AGL: variants seen among roughly 807,000 people sequenced by gnomAD.
AGL encodes glycogen debranching enzyme.
Under a neutral mutation model 199.3 loss-of-function variants are expected in AGL, and 128 were observed. The observed-to-expected ratio is 0.64, with a 90% CI of 0.56 to 0.74. The LOEUF is 0.74. Ranked by LOEUF, AGL falls within the 30% of genes least tolerant of loss-of-function variation. The pLI is 0.00. For missense variants in AGL, 1,809 were observed against 1,820.8 expected, an observed-to-expected ratio of 0.99 and a Z score of 0.12; for synonymous variants, 584 against 594.7, an observed-to-expected ratio of 0.98 and a Z score of 0.26.
At chr1:99,899,666 G>A (rs1372431632) in intron 25 of AGL, among the ~76,000 whole-genome samples, 2 of 150,080 alleles carry the variant, frequency 1.3e-5, no homozygotes, top group East Asian at 4.0e-4. Context: ...TGCCATCCAG[G>A]CTGGAGTGCC....
intron 30 of AGL, among the ~76,000 whole-genome samples, chr1:99,914,114 C>T (rs1359395893): frequency 6.6e-6 from 1 of 152,042 alleles, no homozygotes; most frequent in Non-Finnish European, 1.5e-5. Flanking sequence ...TGAAGCCCCA[C>T]CACCATATTT....
At chr1:99,875,577 A>C (rs2101129246) in intron 10 of AGL, 122 bp downstream of exon 10, 2 of 896,774 alleles carry the variant, frequency 2.2e-6, no homozygotes, top group East Asian at 5.3e-5. Context: ...AAATTGAAAT[A>C]GAAGTTTTGA....
intron 5 of AGL, among the ~76,000 whole-genome samples, chr1:99,864,910 T>G (rs939137007): frequency 6.6e-6 from 1 of 152,204 alleles, no homozygotes; most frequent in Non-Finnish European, 1.5e-5. Context: ...TTATTCGCAG[T>G]TTTGCTTTCT....
At chr1:99,920,367 A>G (rs941604631) in intron 33 of AGL, among the ~76,000 whole-genome samples, 30 of 152,240 alleles carry the variant, frequency 2.0e-4, no homozygotes, top group Admixed American at 3.3e-4. Context: ...CAAAACTCCA[A>G]TCTTCATGTG....
intron 5 of AGL, among the ~76,000 whole-genome samples, chr1:99,869,051 C>T (rs1443450176): frequency 6.6e-6 from 1 of 152,082 alleles, no homozygotes; most frequent in African/African-American, 2.4e-5. Context: ...TCTCCAGCTC[C>T]TGGACTCAGG....
At chr1:99,857,847 A>AGGGGGAGCCCGTGGGGAGGGGGCGGGGGG (rs1649686521) in intron 2 of AGL, among the ~76,000 whole-genome samples, 1 of 8,226 alleles carries the variant, frequency 1.2e-4, no homozygotes, top group Admixed American at 1.1e-3. Context: ...GGGGAGGGGG[A>AGGGGGAGCCCGTGGGGAGGGGGCGGGGGG]GGGGGGAAGA....
At chr1:99,897,848 A>AGAGTAATATCTGCCACATGCCTG (rs1653455826) in intron 25 of AGL, among the ~76,000 whole-genome samples, 1 of 152,194 alleles carries the variant, frequency 6.6e-6, no homozygotes, top group South Asian at 2.1e-4. Flanking sequence ...CCACATGCCT[A>AGAGTAATATCTGCCACATGCCTG]GAGTAATATC....
chr1:99,849,921 G>C (rs1463119980), upstream of AGL, among the ~76,000 whole-genome samples: 2 of 152,202 alleles, frequency 1.3e-5, no homozygotes, highest in Non-Finnish European at 2.9e-5. Context: ...GCTGTTAAAG[G>C]AAGGCCGCGC....
At chr1:99,853,077 C>G (rs1169071634) in intron 2 of AGL, among the ~76,000 whole-genome samples, 4 of 152,126 alleles carry the variant, frequency 2.6e-5, no homozygotes, top group African/African-American at 9.7e-5. Flanking sequence ...CTTGCAGTTT[C>G]TTTCCAAATA....
intron 5 of AGL, among the ~76,000 whole-genome samples, chr1:99,869,329 T>A (rs933902889): frequency 6.6e-6 from 1 of 152,114 alleles, no homozygotes. Flanking sequence ...TGAGTGCTTA[T>A]TATGGGTATG....
chr1:99,887,254 TAC>T (rs1448059443), intron 20 of AGL, among the ~76,000 whole-genome samples: 1 of 152,106 alleles, frequency 6.6e-6, no homozygotes, highest in Non-Finnish European at 1.5e-5. Context: ...CACAAGAAAA[TAC>T]AGTTTCAGCT....
intron 20 of AGL, among the ~76,000 whole-genome samples, chr1:99,887,224 C>G (rs563865357): frequency 6.6e-6 from 1 of 152,282 alleles, no homozygotes; most frequent in East Asian, 1.9e-4. Context: ...ATGAAATTAC[C>G]TGAGCATCTA....
chr1:99,895,457 C>T (rs952983389), intron 24 of AGL, among the ~76,000 whole-genome samples: 1 of 152,016 alleles, frequency 6.6e-6, no homozygotes, highest in Non-Finnish European at 1.5e-5. Flanking sequence ...GAATATAACA[C>T]TTTTAAGTTG....
intron 2 of AGL, among the ~76,000 whole-genome samples, chr1:99,857,096 G>A (rs1649556013): frequency 6.6e-6 from 1 of 151,944 alleles, no homozygotes; most frequent in South Asian, 2.1e-4. Context: ...CTCCCGGACG[G>A]GGCGGCTGGC....
At chr1:99,894,897 A>G (rs1015013217) in intron 24 of AGL, among the ~76,000 whole-genome samples, 1 of 152,166 alleles carries the variant, frequency 6.6e-6, no homozygotes, top group African/African-American at 2.4e-5. Context: ...CTTATTTCCT[A>G]CTGGGAAGAT....
rs753914653 is a variant in AGL, at chr1:99,870,416, G to C, written c.681G>C (p.Trp227Cys). ...TTCCTTCAGCTGCTAATAGTAAATG[G>C]ATCCAGGAACATCCAGAATGTGCCT... Reference protein sequence around the residue: ...VYNHTAANSKWIQEHPECAYN... With the variant: ...VYNHTAANSKCIQEHPECAYN... Residue 227 changes from tryptophan (W) to cysteine (C), a missense_variant, in exon 6 of 34, where the codon TGG (tryptophan) becomes TGC (cysteine). Coordinates refer to ENST00000361915, the MANE Select transcript of AGL (RefSeq NM_000642.3). 1.2e-6 allele frequency: 2 copies of C among 1,613,816 alleles called. No individual in the cohort carries two copies. Among genetic ancestry groups the C allele is most frequent in the African/African-American group, 2.7e-5 (2 of 74,882 alleles).
chr1:99,916,858 T>G (rs1557794491), intron 33 of AGL, 127 bp downstream of exon 33: 1 of 1,005,962 alleles, frequency 9.9e-7, no homozygotes, highest in Non-Finnish European at 1.5e-6. Flanking sequence ...AGTGAAGCCT[T>G]TATTCTTTAA....
At chr1:99,913,856 A>T (rs1276751385) in intron 30 of AGL, 118 bp downstream of exon 30, 3 of 962,392 alleles carry the variant, frequency 3.1e-6, no homozygotes, top group Non-Finnish European at 5.0e-6. Context: ...ATTGCTTACT[A>T]GCTAGTTTTA....
At chr1:99,863,189 T>A (rs905357170) in intron 4 of AGL, among the ~76,000 whole-genome samples, 1 of 151,952 alleles carries the variant, frequency 6.6e-6, no homozygotes, top group Non-Finnish European at 1.5e-5. Context: ...CTGCCCACCT[T>A]GGCCTCCCAA....
Sources: gnomAD v4.1 joint callset for allele counts (sites outside exome capture counted in the v4.1 genomes callset) on GRCh38, gnomAD v4.1.1 for gene constraint, MANE v1.5 for transcripts, NCBI Gene and HGNC (gene_info 2026-07-23, HGNC 2026-07-21) for gene names.